The following LRRC4C variants were observed in gnomAD, a reference collection of about 807,000 sequenced individuals.
The protein encoded by LRRC4C is leucine-rich repeat-containing protein 4C.
A neutral mutation model predicts 33.6 loss-of-function variants in LRRC4C; 5 were observed. That is an observed-to-expected ratio of 0.15 (90% CI 0.08 to 0.31). The LOEUF (loss-of-function observed/expected upper bound fraction) is 0.31. LRRC4C is among the 10% of genes least tolerant of loss of function. The pLI, the probability that LRRC4C is intolerant of heterozygous loss-of-function variation, is 1.00. For missense variants in LRRC4C, 560 were observed against 796.7 expected (o/e 0.70, Z 3.58); for synonymous variants, 329 against 302.0 (o/e 1.09, Z -0.93).
At chr11:40,415,565 C>A (rs964030853) in intron 3 of LRRC4C, among the ~76,000 whole-genome samples, 1 of 152,008 alleles carries the variant, frequency 6.6e-6, no homozygotes, top group African/African-American at 2.4e-5. Context: ...TACTGATGGG[C>A]CTTAGAGGCA....
chr11:40,602,761 T>C (rs1398982938), intron 3 of LRRC4C, among the ~76,000 whole-genome samples: 1 of 152,142 alleles, frequency 6.6e-6, no homozygotes, highest in Admixed American at 6.6e-5. Context: ...AATAAAATAA[T>C]CCGAAACAGC....
chr11:41,105,295 A>G (rs979198258), intron 1 of LRRC4C, among the ~76,000 whole-genome samples: 2 of 152,016 alleles, frequency 1.3e-5, no homozygotes, highest in Admixed American at 6.6e-5. Flanking sequence ...ATTATTCTGA[A>G]TGCAGTCTAA....
chr11:41,378,926 T>G (rs1234891119), intron 1 of LRRC4C, among the ~76,000 whole-genome samples: 1 of 152,042 alleles, frequency 6.6e-6, no homozygotes, highest in Non-Finnish European at 1.5e-5. Context: ...AAGAGTTTTT[T>G]TTTTTTGTCT....
intron 3 of LRRC4C, among the ~76,000 whole-genome samples, chr11:40,525,974 G>A (rs918646022): frequency 8.6e-5 from 13 of 152,016 alleles, no homozygotes; most frequent in Admixed American, 3.3e-4. Context: ...GGATATTTCA[G>A]TACTTCAGGG....
At chr11:40,568,557 T>C (rs573350393) in intron 3 of LRRC4C, among the ~76,000 whole-genome samples, 1 of 152,316 alleles carries the variant, frequency 6.6e-6, no homozygotes, top group South Asian at 2.1e-4. Flanking sequence ...CTATAACAGC[T>C]CCACGAAAAT....
chr11:40,950,537 TATA>T (rs1425311524), intron 1 of LRRC4C, among the ~76,000 whole-genome samples: 4 of 152,124 alleles, frequency 2.6e-5, no homozygotes, highest in African/African-American at 4.8e-5. Flanking sequence ...TCTGTAAGAT[TATA>T]ATATTACTGA....
At chr11:41,183,879 G>A (rs546836420) in intron 1 of LRRC4C, among the ~76,000 whole-genome samples, 26 of 152,256 alleles carry the variant, frequency 1.7e-4, no homozygotes, top group African/African-American at 5.8e-4. Flanking sequence ...TGAAATCTAG[G>A]CAGAGGTTCC....
At chr11:40,660,952 G>A (rs1294985999) in intron 2 of LRRC4C, among the ~76,000 whole-genome samples, 1 of 152,178 alleles carries the variant, frequency 6.6e-6, no homozygotes, top group African/African-American at 2.4e-5. Flanking sequence ...ATAAGGAAGA[G>A]GGAATGTATC....
chr11:41,354,169 T>TTA (rs764705474), intron 1 of LRRC4C, among the ~76,000 whole-genome samples: 6 of 152,086 alleles, frequency 3.9e-5, no homozygotes, highest in Non-Finnish European at 8.8e-5. Flanking sequence ...ATAAACAACT[T>TTA]TAGTAAAGTG....
At chr11:40,597,839 C>G (rs1959519949) in intron 3 of LRRC4C, among the ~76,000 whole-genome samples, 1 of 152,066 alleles carries the variant, frequency 6.6e-6, no homozygotes, top group Non-Finnish European at 1.5e-5. Flanking sequence ...GATTTGCAGT[C>G]AATGAGAGCT....
chr11:41,383,222 T>G (rs1037619922), intron 1 of LRRC4C, among the ~76,000 whole-genome samples: 7 of 152,088 alleles, frequency 4.6e-5, no homozygotes, highest in Non-Finnish European at 8.8e-5. Flanking sequence ...GAATCAGAGT[T>G]AGGATAATTT....
At chr11:41,032,870 ATTAAC>A (rs1416185285) in intron 1 of LRRC4C, among the ~76,000 whole-genome samples, 4 of 152,074 alleles carry the variant, frequency 2.6e-5, no homozygotes, top group Non-Finnish European at 5.9e-5. Flanking sequence ...CAAGTAAACT[ATTAAC>A]TTATTCACTC....
chr11:41,317,240 A>G (rs1190266948), intron 1 of LRRC4C, among the ~76,000 whole-genome samples: 2 of 134,894 alleles, frequency 1.5e-5, no homozygotes, highest in Non-Finnish European at 3.2e-5. Flanking sequence ...AACCTTGATA[A>G]GCCACTGATT....
intron 1 of LRRC4C, among the ~76,000 whole-genome samples, chr11:41,083,107 G>T (rs951064858): frequency 3.3e-5 from 5 of 152,026 alleles, no homozygotes; most frequent in South Asian, 4.1e-4. Context: ...AGAAAGAAAA[G>T]ATATTTTTGA....
At chr11:40,786,310 G>A (rs982854429) in intron 2 of LRRC4C, among the ~76,000 whole-genome samples, 7 of 152,312 alleles carry the variant, frequency 4.6e-5, no homozygotes, top group African/African-American at 1.7e-4. Context: ...GGATGTTAGT[G>A]AATATGACTT....
Position 40,235,636 on chromosome 11 carries a change from TA to T in LRRC4C, c.-96+5882del, listed in dbSNP as rs377748157. Among the ~76,000 whole-genome samples the T allele has an allele frequency of 5.4e-4, 83 of 152,336 alleles. 1 individual carries two copies. The South Asian group carries it at 0.011, about 19-fold the overall frequency. On this transcript the variant is annotated intron_variant, in intron 5 of 6. Transcript: ENST00000528697. Reference sequence around the variant, plus strand: ...TACAAGTCGTGAAAAGTGTTTTCACTATAAGAAAAACTTTCAAAAAATGGTT... The same window carrying T: ...TACAAGTCGTGAAAAGTGTTTTCACTTAAGAAAAACTTTCAAAAAATGGTT...
At chr11:41,143,518 T>C (rs1324294826) in intron 1 of LRRC4C, among the ~76,000 whole-genome samples, 9 of 152,192 alleles carry the variant, frequency 5.9e-5, no homozygotes, top group Non-Finnish European at 1.3e-4. Context: ...CACTAACAGC[T>C]GTGCCTGCAG....
intron 1 of LRRC4C, among the ~76,000 whole-genome samples, chr11:41,008,369 C>T (rs879163012): frequency 2.0e-5 from 3 of 152,256 alleles, no homozygotes; most frequent in Admixed American, 1.3e-4. Context: ...GACTTTAACG[C>T]CTACCACTCT....
intron 2 of LRRC4C, among the ~76,000 whole-genome samples, chr11:40,903,607 A>G (rs1249585375): frequency 4.6e-5 from 7 of 152,216 alleles, no homozygotes. Context: ...GATTCATAGG[A>G]AGAGGTCAAA....
Sources: allele counts gnomAD v4.1 joint callset (sites outside exome capture counted in the v4.1 genomes callset), GRCh38; gene constraint gnomAD v4.1.1; transcripts MANE v1.5; gene names NCBI Gene and HGNC (gene_info 2026-07-23, HGNC 2026-07-21).